Variants in LRRC7 observed in about 807,000 individuals in gnomAD.
The protein encoded by LRRC7 is leucine-rich repeat-containing protein 7.
In LRRC7, 23 loss-of-function variants were observed where a neutral mutation model predicts 175.7. The observed-to-expected ratio is 0.13, with a 90% CI of 0.09 to 0.19. The LOEUF is 0.19. Ranked by LOEUF, LRRC7 falls within the 10% of genes least tolerant of loss-of-function variation. The pLI, the probability that LRRC7 is intolerant of heterozygous loss-of-function variation, is 1.00. For synonymous variants in LRRC7, 685 were observed against 680.9 expected, an observed-to-expected ratio of 1.01 and a Z score of -0.09; for missense variants, 1,354 against 1,904.7, an observed-to-expected ratio of 0.71 and a Z score of 5.38.
At chr1:69,774,332 T>C (rs1400599738) in intron 3 of LRRC7, among the ~76,000 whole-genome samples, 1 of 152,180 alleles carries the variant, frequency 6.6e-6, no homozygotes, top group Non-Finnish European at 1.5e-5. Context: ...ACAGAGCTTT[T>C]TGAGCATTTG....
intron 13 of LRRC7, among the ~76,000 whole-genome samples, chr1:70,015,574 T>C (rs1165345715): frequency 1.3e-5 from 2 of 152,192 alleles, no homozygotes; most frequent in Non-Finnish European, 2.9e-5. Flanking sequence ...TACTACTCAC[T>C]TTGCTAACTA....
intron 2 of LRRC7, among the ~76,000 whole-genome samples, chr1:69,727,893 T>C (rs1031583515): frequency 6.6e-6 from 1 of 152,216 alleles, no homozygotes; most frequent in African/African-American, 2.4e-5. Context: ...TATTAATTTA[T>C]GGAAGCTCTG....
intron 7 of LRRC7, among the ~76,000 whole-genome samples, chr1:69,868,500 A>G (rs1685170326): frequency 6.6e-6 from 1 of 152,120 alleles, no homozygotes; most frequent in African/African-American, 2.4e-5. Flanking sequence ...TACAAAGGTG[A>G]GGAATATAGT....
chr1:70,038,825 A>G lies in LRRC7; in HGVS notation c.3001A>G (p.Ile1001Val). ...CATTGGTACATATAAGGTGTATAAC[A>G]TACCATTAGAAAACTATGCTTCTGG... ...IDIGTYKVYN[I>V]PLENYASGSD... is the part of the protein sequence containing the mutation. Residue 1001 changes from isoleucine (I) to valine (V), a missense_variant, in exon 21 of 27, where the codon ATA (isoleucine) becomes GTA (valine). By Grantham distance (29) the Ile-to-Val change is conservative. Coordinates refer to ENST00000651989, the MANE Select transcript of LRRC7 (RefSeq NM_001370785.2). The G allele has an allele frequency of 6.2e-7, 1 of 1,614,126 alleles. No homozygotes were observed. Among genetic ancestry groups the G allele is most frequent in the Non-Finnish European group, 8.5e-7 (1 of 1,180,006 alleles).
At chr1:70,115,406 CT>C (rs1367968262) in intron 26 of LRRC7, among the ~76,000 whole-genome samples, 6 of 152,132 alleles carry the variant, frequency 3.9e-5, no homozygotes, top group African/African-American at 7.2e-5. Context: ...TGAGAACCCT[CT>C]CTTCATGGCC....
At chr1:69,636,242 T>C (rs1246234769) in intron 1 of LRRC7, among the ~76,000 whole-genome samples, 1 of 152,094 alleles carries the variant, frequency 6.6e-6, no homozygotes, top group Non-Finnish European at 1.5e-5. Context: ...CGTTCAATTC[T>C]AAATCTATTG....
chr1:69,844,650 A>G (rs1169109605), intron 7 of LRRC7, among the ~76,000 whole-genome samples: 4 of 152,138 alleles, frequency 2.6e-5, no homozygotes, highest in Non-Finnish European at 4.4e-5. Context: ...TGAACACGGG[A>G]GTGCAGACAT....
chr1:69,600,800 C>CTTT lies in LRRC7; in HGVS notation c.2+32185_2+32187dup, dbSNP rs59212223. ...CCATTTCTCCAAGGATCTCTGGTTTCTTTTTTTTTTTTTTTTTTTTTTTTT... is the reference window on the plus strand; with the variant it reads ...CCATTTCTCCAAGGATCTCTGGTTTCTTTTTTTTTTTTTTTTTTTTTTTTTTTT... On this transcript the variant is annotated intron_variant, in intron 1 of 26. Transcript: ENST00000651989. Among the ~76,000 whole-genome samples the CTTT allele has an allele frequency of 4.5e-3, 293 of 64,892 alleles. 93 individuals carry two copies. Among genetic ancestry groups the CTTT allele is most frequent in the African/African-American group, 0.011 (176 of 16,172 alleles). The allele number at this position is 64,892 out of a possible 152,430, so 42.6% of individuals were successfully genotyped here.
chr1:69,880,993 C>G (rs963787373), intron 7 of LRRC7, among the ~76,000 whole-genome samples: 4 of 152,172 alleles, frequency 2.6e-5, no homozygotes, highest in African/African-American at 7.2e-5. Flanking sequence ...TGACTAAGAT[C>G]CAGTCCAAAT....
chr1:69,973,265 T>C (rs1032542218), intron 8 of LRRC7, among the ~76,000 whole-genome samples: 8 of 151,738 alleles, frequency 5.3e-5, no homozygotes, highest in African/African-American at 1.9e-4. Context: ...AATAACACAA[T>C]GGACTTTGAG....
chr1:69,930,929 G>A (rs1230773696), intron 7 of LRRC7, among the ~76,000 whole-genome samples: 1 of 152,142 alleles, frequency 6.6e-6, no homozygotes, highest in Non-Finnish European at 1.5e-5. Flanking sequence ...CCCTTCCTCA[G>A]TATACGATTA....
At chr1:69,762,635 A>G (rs1009889592) in intron 3 of LRRC7, among the ~76,000 whole-genome samples, 2 of 152,030 alleles carry the variant, frequency 1.3e-5, no homozygotes, top group African/African-American at 4.8e-5. Flanking sequence ...AGTTCTTGAA[A>G]GTCACATAGT....
intron 1 of LRRC7, among the ~76,000 whole-genome samples, chr1:69,601,258 T>C (rs1477736930): frequency 3.3e-5 from 5 of 152,226 alleles, no homozygotes; most frequent in African/African-American, 4.8e-5. Flanking sequence ...AATGTATAGA[T>C]ACACATATTC....
At chr1:69,836,846 AG>A (rs1681168158) in intron 6 of LRRC7, among the ~76,000 whole-genome samples, 1 of 151,816 alleles carries the variant, frequency 6.6e-6, no homozygotes, top group African/African-American at 2.4e-5. Context: ...AATCATTATA[AG>A]ATTAAAATTA....
chr1:69,851,860 A>T (rs2101465674), intron 7 of LRRC7, among the ~76,000 whole-genome samples: 1 of 152,270 alleles, frequency 6.6e-6, no homozygotes, highest in African/African-American at 2.4e-5. Flanking sequence ...GCATAGAAGG[A>T]GAAAGCCAGA....
At chr1:70,050,240 G>C (rs1395837792) in intron 22 of LRRC7, among the ~76,000 whole-genome samples, 2 of 152,002 alleles carry the variant, frequency 1.3e-5, no homozygotes, top group Non-Finnish European at 2.9e-5. Context: ...GAAATTACTT[G>C]ATCAAATAGA....
rs1661154100 is a variant in LRRC7 at position 70,056,391 on chromosome 1, AAATACTTC to A, written c.4230+3248_4230+3255del. On this transcript the variant is annotated intron_variant, in intron 23 of 26. Coordinates refer to ENST00000651989, the MANE Select transcript of LRRC7 (RefSeq NM_001370785.2). ...TCAAGGGAAACGTTGAACTTCAAGGAAATACTTCACTAAACATAAGAAGTAGTTGAGAT... is the reference window on the plus strand; with the variant it reads ...TCAAGGGAAACGTTGAACTTCAAGGAACTAAACATAAGAAGTAGTTGAGAT... Among the ~76,000 whole-genome samples the A allele has an allele frequency of 9.2e-5, 14 of 152,308 alleles. No homozygotes were observed. In the South Asian group the frequency reaches 2.7e-3, roughly 29 times the overall value.
At chr1:69,815,927 AG>A (rs1436100875) in intron 4 of LRRC7, among the ~76,000 whole-genome samples, 1 of 152,004 alleles carries the variant, frequency 6.6e-6, no homozygotes, top group African/African-American at 2.4e-5. Flanking sequence ...TGGTGGAAGG[AG>A]CAAGACAGCT....
intron 5 of LRRC7, among the ~76,000 whole-genome samples, chr1:69,830,030 C>T (rs1001960791): frequency 1.3e-5 from 2 of 151,666 alleles, no homozygotes; most frequent in Non-Finnish European, 3.0e-5. Flanking sequence ...CTTTTAGATA[C>T]ATTATTTAAT....
Sources: allele counts gnomAD v4.1 joint callset (sites outside exome capture counted in the v4.1 genomes callset), GRCh38; gene constraint gnomAD v4.1.1; transcripts MANE v1.5; gene names NCBI Gene and HGNC (gene_info 2026-07-23, HGNC 2026-07-21).